The following UNC93A variants were observed in gnomAD, a reference collection of about 807,000 sequenced individuals.
UNC93A encodes the protein unc-93 homolog A, also known as N-acetylglucosamine transporter UNC93A.
A neutral mutation model predicts 47.5 loss-of-function variants in UNC93A; 43 were observed. The ratio of observed to expected loss-of-function variants is 0.91; its 90% CI spans 0.71 to 1.17. UNC93A has a LOEUF of 1.17. Ranked by LOEUF, UNC93A falls within the 50% of genes most tolerant of loss-of-function variation. UNC93A has a pLI of 0.00. For missense variants in UNC93A, 605 were observed against 577.6 expected (o/e 1.05, Z -0.49); for synonymous variants, 280 against 258.0 (o/e 1.09, Z -0.82).
At chr6:167,295,511 G>C (rs377311777) in intron 2 of UNC93A, among the ~76,000 whole-genome samples, 923 of 44,462 alleles carry the variant, frequency 0.021, 76 homozygotes, top group East Asian at 0.091. Context: ...ATCCTCGCCT[G>C]CCTCGTGCTC....
chr6:167,288,094 G>T (rs1053263731), upstream of UNC93A, among the ~76,000 whole-genome samples: 2 of 152,168 alleles, frequency 1.3e-5, no homozygotes, highest in African/African-American at 2.4e-5. Context: ...TAACCACACC[G>T]TGGAAGCTGG....
chr6:167,302,226 C>G (rs1056698320), intron 4 of UNC93A, among the ~76,000 whole-genome samples: 2 of 152,126 alleles, frequency 1.3e-5, no homozygotes, highest in Admixed American at 1.3e-4. Flanking sequence ...GTTTCAGGAA[C>G]GCTCAGCTGC....
intron 1 of UNC93A, among the ~76,000 whole-genome samples, chr6:167,272,633 C>T (rs1287218220): frequency 6.6e-6 from 1 of 152,104 alleles, no homozygotes; most frequent in Admixed American, 6.5e-5. Flanking sequence ...TAAGGTGGGA[C>T]AACTTGAAGT....
At chr6:167,272,225 G>A (rs1783462234) in intron 1 of UNC93A, among the ~76,000 whole-genome samples, 1 of 152,218 alleles carries the variant, frequency 6.6e-6, no homozygotes, top group Admixed American at 6.5e-5. Flanking sequence ...CATCATGGCT[G>A]CCTCAGAATC....
intron 1 of UNC93A, among the ~76,000 whole-genome samples, chr6:167,277,287 G>A (rs1783559111): frequency 6.6e-6 from 1 of 152,198 alleles, no homozygotes; most frequent in Non-Finnish European, 1.5e-5. Context: ...CTTTGTGCTG[G>A]CCCCTCTGCC....
upstream of UNC93A, chr6:167,271,058 G>A (rs1187040087): frequency 6.6e-6 from 1 of 152,352 alleles, no homozygotes; most frequent in Non-Finnish European, 1.5e-5. Flanking sequence ...GTGTTCCCCT[G>A]GCTGGCAGCG....
chr6:167,300,845 C>A (rs1171029469), intron 4 of UNC93A, among the ~76,000 whole-genome samples: 2 of 152,202 alleles, frequency 1.3e-5, no homozygotes, highest in Non-Finnish European at 2.9e-5. Context: ...AGTTAGGCAG[C>A]CACCAACAAA....
At chr6:167,273,889 T>C (rs375786) in intron 1 of UNC93A, among the ~76,000 whole-genome samples, 46,586 of 151,118 alleles carry the variant, frequency 0.31, 7,460 homozygotes, top group African/African-American at 0.36. Context: ...GTCCTTACTA[T>C]GCTGATGCAG....
chr6:167,294,423 G>A, intron 1 of UNC93A, 94 bp from the exon 2 acceptor site: 13 of 1,453,892 alleles, frequency 8.9e-6, no homozygotes, highest in Non-Finnish European at 1.2e-5. Context: ...GGGAGCTGTG[G>A]CGGCCTCCAG....
chr6:167,279,349 A>G (rs1275511529), intron 1 of UNC93A, among the ~76,000 whole-genome samples: 1 of 152,208 alleles, frequency 6.6e-6, no homozygotes, highest in Non-Finnish European at 1.5e-5. Flanking sequence ...CTTTCTCTCC[A>G]TTTGCAATTC....
At chr6:167,302,065 G>A (rs1778255313) in intron 4 of UNC93A, among the ~76,000 whole-genome samples, 1 of 152,214 alleles carries the variant, frequency 6.6e-6, no homozygotes, top group Admixed American at 6.5e-5. Context: ...AGCCAAGATG[G>A]AAAGTAGCCA....
At chr6:167,276,385 C>A (rs1341525902) in intron 1 of UNC93A, among the ~76,000 whole-genome samples, 7 of 152,106 alleles carry the variant, frequency 4.6e-5, no homozygotes, top group African/African-American at 1.7e-4. Flanking sequence ...TTAGCTGGCT[C>A]ATATCGTGAT....
chr6:167,283,659 T>A (rs1385349777), intron 1 of UNC93A, among the ~76,000 whole-genome samples: 2 of 152,176 alleles, frequency 1.3e-5, no homozygotes, highest in Non-Finnish European at 2.9e-5. Context: ...CCAGCTAGAA[T>A]GAGTTGCGGA....
upstream of UNC93A, among the ~76,000 whole-genome samples, chr6:167,287,791 A>ACCT (rs1783766657): frequency 6.6e-6 from 1 of 151,858 alleles, no homozygotes; most frequent in Non-Finnish European, 1.5e-5. Context: ...CTGAACCAGG[A>ACCT]CCTACACGAT....
chr6:167,309,248 C>T (rs1205164253), intron 7 of UNC93A, among the ~76,000 whole-genome samples: 1 of 152,174 alleles, frequency 6.6e-6, no homozygotes, highest in East Asian at 1.9e-4. Context: ...CTGTGTTTTC[C>T]ACAAGGAGAT....
chr6:167,280,892 A>C (rs568218891), intron 1 of UNC93A, among the ~76,000 whole-genome samples: 1 of 152,326 alleles, frequency 6.6e-6, no homozygotes, highest in South Asian at 2.1e-4. Flanking sequence ...TTACTGTGTC[A>C]GTAAGAAAAA....
At chr6:167,297,400 CT>C (rs5881737) in intron 3 of UNC93A, among the ~76,000 whole-genome samples, 17,755 of 152,222 alleles carry the variant, frequency 0.12, 1,248 homozygotes, top group East Asian at 0.32. Flanking sequence ...CCCACCACAT[CT>C]TTCTCCTTTC....
At chr6:167,287,593 G>A (rs912951293), upstream of UNC93A, among the ~76,000 whole-genome samples, 5 of 152,180 alleles carry the variant, frequency 3.3e-5, no homozygotes, top group African/African-American at 1.2e-4. Context: ...TCAATAAATA[G>A]TGTGGACGAC....
intron 7 of UNC93A, among the ~76,000 whole-genome samples, chr6:167,314,882 T>C (rs1258382277): frequency 6.6e-6 from 1 of 152,090 alleles, no homozygotes; most frequent in Non-Finnish European, 1.5e-5. Flanking sequence ...CATGTCTCCC[T>C]AGAGTGTATA....
Sources: gnomAD v4.1 joint callset for allele counts (sites outside exome capture counted in the v4.1 genomes callset) on GRCh38, gnomAD v4.1.1 for gene constraint, MANE v1.5 for transcripts, NCBI Gene and HGNC (gene_info 2026-07-23, HGNC 2026-07-21) for gene names.